The following ST6GALNAC3 variants were observed in gnomAD, a reference collection of about 807,000 sequenced individuals.
ST6GALNAC3 encodes ST6 N-acetylgalactosaminide alpha-2,6-sialyltransferase 3.
Under a neutral mutation model 32.7 loss-of-function variants are expected in ST6GALNAC3, and 25 were observed. The observed-to-expected ratio is 0.76, with a 90% CI of 0.56 to 1.07. The LOEUF (loss-of-function observed/expected upper bound fraction) is 1.07, where lower values mean the gene tolerates loss of function less well. ST6GALNAC3 is among the 50% of genes least tolerant of loss of function. The pLI, the probability that ST6GALNAC3 is intolerant of heterozygous loss-of-function variation, is 0.00. For synonymous variants in ST6GALNAC3, 129 were observed against 133.1 expected, an observed-to-expected ratio of 0.97 and a Z score of 0.21; for missense variants, 355 against 382.4, an observed-to-expected ratio of 0.93 and a Z score of 0.60.
intron 3 of ST6GALNAC3, among the ~76,000 whole-genome samples, chr1:76,549,578 T>A (rs1664501687): frequency 6.6e-6 from 1 of 152,122 alleles, no homozygotes; most frequent in South Asian, 2.1e-4. Context: ...ATTTTTCCAT[T>A]TTTCTGTTGA....
chr1:76,336,341 C>T (rs1208766977), intron 2 of ST6GALNAC3, among the ~76,000 whole-genome samples: 1 of 152,046 alleles, frequency 6.6e-6, no homozygotes. Context: ...TCTGGTTTTC[C>T]CCTAATGATT....
At chr1:76,436,303 A>G (rs1035954611) in intron 3 of ST6GALNAC3, among the ~76,000 whole-genome samples, 2 of 152,272 alleles carry the variant, frequency 1.3e-5, no homozygotes, top group East Asian at 3.9e-4. Context: ...TAATTCCTAA[A>G]GGACCCAAAA....
chr1:76,528,008 G>A (rs1161526928), intron 3 of ST6GALNAC3, among the ~76,000 whole-genome samples: 1 of 152,104 alleles, frequency 6.6e-6, no homozygotes, highest in East Asian at 1.9e-4. Flanking sequence ...CCTTTTGAGT[G>A]ACTTACAGCA....
intron 3 of ST6GALNAC3, among the ~76,000 whole-genome samples, chr1:76,432,770 T>G (rs1421220906): frequency 2.0e-5 from 3 of 152,156 alleles, no homozygotes; most frequent in Admixed American, 6.5e-5. Flanking sequence ...TTTTGTATTC[T>G]CTTATAATGT....
chr1:76,436,384 G>C (rs537395016), intron 3 of ST6GALNAC3, among the ~76,000 whole-genome samples: 2 of 152,076 alleles, frequency 1.3e-5, no homozygotes, highest in Non-Finnish European at 2.9e-5. Flanking sequence ...GAGCCTCAAT[G>C]GATGCTGCTT....
chr1:76,585,580 T>TG lies in ST6GALNAC3; in HGVS notation c.624-41871dup, dbSNP rs147283748. Among the ~76,000 whole-genome samples the TG allele has an allele frequency of 5.4e-3, 821 of 152,146 alleles. 5 individuals carry two copies. The highest frequency in any genetic ancestry group is 0.019 in the African/African-American group (776 of 41,490). On this transcript the variant is annotated intron_variant, in intron 3 of 4. Coordinates refer to ENST00000328299, the MANE Select transcript of ST6GALNAC3 (RefSeq NM_152996.4). The stretch of plus-strand genomic sequence containing the variant: ...GGTGGAAGGGCAAACACAGAGTAGA[T>TG]GCACAGTTCATGCTGGAACCAGATC...
intron 1 of ST6GALNAC3, among the ~76,000 whole-genome samples, chr1:76,288,754 T>C (rs755893515): frequency 6.6e-6 from 1 of 152,084 alleles, no homozygotes; most frequent in Admixed American, 6.5e-5. Context: ...TGTGCAGAGA[T>C]GTGAGCAGGA....
intron 3 of ST6GALNAC3, among the ~76,000 whole-genome samples, chr1:76,603,393 T>G (rs1647330248): frequency 6.6e-6 from 1 of 152,086 alleles, no homozygotes; most frequent in South Asian, 2.1e-4. Context: ...AGTAAAAAAA[T>G]GAATGAACTG....
In ST6GALNAC3 at chr1:76,255,241, G is replaced by A. The variant is rs77613538; in HGVS notation, c.19-58564G>A. ...GAATCCATCCCCCTCCCTTTCCCTG[G>A]CCCCTTATACTAACTGAGTTGTTTG... On this transcript the variant is annotated intron_variant, in intron 1 of 4. Coordinates refer to ENST00000328299, the MANE Select transcript of ST6GALNAC3 (RefSeq NM_152996.4). 7.0e-3 allele frequency among the ~76,000 whole-genome samples: 1,070 copies of A among 151,898 alleles called. 14 individuals are homozygous for A. The highest frequency in any genetic ancestry group is 0.025 in the African/African-American group (1,017 of 41,380).
At chr1:76,620,444 G>T (rs556522882) in intron 3 of ST6GALNAC3, among the ~76,000 whole-genome samples, 1 of 152,030 alleles carries the variant, frequency 6.6e-6, no homozygotes, top group Non-Finnish European at 1.5e-5. Flanking sequence ...ATATCACATA[G>T]CTTAAACAGC....
intron 2 of ST6GALNAC3, among the ~76,000 whole-genome samples, chr1:76,386,231 G>A (rs1652081912): frequency 6.6e-6 from 1 of 152,026 alleles, no homozygotes; most frequent in African/African-American, 2.4e-5. Flanking sequence ...GGAAGGCTTA[G>A]TGGCTTAACT....
chr1:76,180,487 C>T (rs1014650008), intron 1 of ST6GALNAC3, among the ~76,000 whole-genome samples: 1 of 152,128 alleles, frequency 6.6e-6, no homozygotes, highest in Admixed American at 6.5e-5. Flanking sequence ...GCCTGGATAT[C>T]CCTGTCCCCA....
chr1:76,495,592 G>A (rs569786726), intron 3 of ST6GALNAC3, among the ~76,000 whole-genome samples: 3 of 152,152 alleles, frequency 2.0e-5, no homozygotes, highest in Non-Finnish European at 4.4e-5. Context: ...CCCCTTTCAT[G>A]TGTTTAAATA....
intron 1 of ST6GALNAC3, among the ~76,000 whole-genome samples, chr1:76,160,609 C>A (rs1651745881): frequency 6.6e-6 from 1 of 152,176 alleles, no homozygotes; most frequent in Non-Finnish European, 1.5e-5. Flanking sequence ...TACAAACTAG[C>A]CAGGCTGTGA....
chr1:76,120,640 A>G (rs1487464840), intron 1 of ST6GALNAC3, among the ~76,000 whole-genome samples: 1 of 152,180 alleles, frequency 6.6e-6, no homozygotes, highest in Non-Finnish European at 1.5e-5. Flanking sequence ...AGGGTCAGTT[A>G]TCACCTGCCT....
At chr1:76,355,730 C>G (rs1157366320) in intron 2 of ST6GALNAC3, among the ~76,000 whole-genome samples, 1 of 152,210 alleles carries the variant, frequency 6.6e-6, no homozygotes, top group African/African-American at 2.4e-5. Flanking sequence ...CATTCATTCA[C>G]TCCTTTAAAC....
At chr1:76,155,593 G>C (rs527701721) in intron 1 of ST6GALNAC3, among the ~76,000 whole-genome samples, 16 of 150,966 alleles carry the variant, frequency 1.1e-4, no homozygotes, top group Non-Finnish European at 1.9e-4. Flanking sequence ...TCAGCCTCCC[G>C]AATAGCTGGG....
At chr1:76,359,404 C>A (rs1048368242) in intron 2 of ST6GALNAC3, among the ~76,000 whole-genome samples, 2 of 152,094 alleles carry the variant, frequency 1.3e-5, no homozygotes, top group African/African-American at 2.4e-5. Flanking sequence ...AGACTTGTGT[C>A]CTTATTTTTA....
intron 3 of ST6GALNAC3, among the ~76,000 whole-genome samples, chr1:76,546,398 A>G (rs939534107): frequency 2.6e-5 from 4 of 152,144 alleles, no homozygotes; most frequent in Non-Finnish European, 5.9e-5. Context: ...TCTTGCCACA[A>G]CTGTGGGTCT....
Sources: gnomAD v4.1 joint callset for allele counts (sites outside exome capture counted in the v4.1 genomes callset) on GRCh38, gnomAD v4.1.1 for gene constraint, MANE v1.5 for transcripts, NCBI Gene and HGNC (gene_info 2026-07-23, HGNC 2026-07-21) for gene names.